ST3GAL4: variants seen among roughly 807,000 people sequenced by gnomAD.
ST3GAL4 encodes ST3 beta-galactoside alpha-2,3-sialyltransferase 4.
Under a neutral mutation model 42.6 loss-of-function variants are expected in ST3GAL4, and 24 were observed. That is an observed-to-expected ratio of 0.56 (90% confidence interval 0.41 to 0.79). The LOEUF is 0.79. Among genes scored for constraint, ST3GAL4 ranks in the 30% least tolerant of loss-of-function variants. The pLI is 0.00. For synonymous variants in ST3GAL4, 135 were observed against 163.2 expected (o/e 0.83, Z 1.32); for missense variants, 311 against 430.8 (o/e 0.72, Z 2.46).
At position 126,383,193 on chromosome 11, in the gene ST3GAL4, C is replaced by G. The variant is rs1033050178; in HGVS notation, c.-60-22903C>G. Among the ~76,000 whole-genome samples the G allele has an allele frequency of 6.6e-6, 1 of 152,214 alleles. No individual in the cohort carries two copies. Among genetic ancestry groups the G allele is most frequent in the Non-Finnish European group, 1.5e-5 (1 of 68,028 alleles). On this transcript the variant is annotated intron_variant, in intron 1 of 10. Transcript: ENST00000444328. The surrounding 1 kb of genome is among the most constrained non-coding windows in gnomAD (Gnocchi z 4.5). ...GCTCATAGGCGTGGCTGGGTCTCCT[C>G]TCAGGTGCCAGAATCTTTCTGGGAG...
intron 1 of ST3GAL4, among the ~76,000 whole-genome samples, chr11:126,371,689 G>A (rs1339808481): frequency 1.3e-5 from 2 of 152,158 alleles, no homozygotes; most frequent in Non-Finnish European, 2.9e-5. Context: ...CTCTCCTGAC[G>A]ATAGTTAAGT....
intron 1 of ST3GAL4, among the ~76,000 whole-genome samples, chr11:126,365,468 TTTAG>T (rs1472973588): frequency 6.6e-6 from 1 of 152,118 alleles, no homozygotes; most frequent in Non-Finnish European, 1.5e-5. Flanking sequence ...CTTCAGTTGA[TTTAG>T]TGTCTCTGCC....
rs773011450 is a variant in ST3GAL4, at chr11:126,406,102, C to G, written c.-54C>G. On this transcript the variant is annotated 5_prime_UTR_variant, in exon 2 of 11. Transcript: ENST00000444328. This position sits in a 1 kb window ranked among gnomAD's most constrained non-coding sequence, Gnocchi z 5.4. ...TGTGGCTCTTATTTCCTAGGTGGCC[C>G]GAGGCAGCCGGGATGACAGCTCTCC... 1.9e-6 allele frequency: 3 copies of G among 1,551,656 alleles called. No individual in the cohort carries two copies. The highest frequency in any genetic ancestry group is 2.6e-6 in the Non-Finnish European group (3 of 1,146,988).
intron 1 of ST3GAL4, among the ~76,000 whole-genome samples, chr11:126,357,031 T>C (rs747051657): frequency 1.3e-5 from 2 of 152,206 alleles, no homozygotes; most frequent in Non-Finnish European, 2.9e-5. Flanking sequence ...ATATTCACTA[T>C]TGGTAATATT....
chr11:126,371,224 G>A (rs533457142), intron 1 of ST3GAL4, among the ~76,000 whole-genome samples: 2 of 124,814 alleles, frequency 1.6e-5, no homozygotes, highest in South Asian at 5.7e-4. Flanking sequence ...GAGTGCAGTG[G>A]CGCGATCTCG....
chr11:126,357,415 C>A (rs1281997618), intron 1 of ST3GAL4, among the ~76,000 whole-genome samples: 2 of 152,088 alleles, frequency 1.3e-5, no homozygotes, highest in African/African-American at 4.8e-5. Flanking sequence ...GGACTTTGGG[C>A]AGAGTGGGTG....
rs1952339503 is a variant in ST3GAL4, at chr11:126,363,921, C to T, written c.-61+8079C>T. On this transcript the variant is annotated intron_variant, in intron 1 of 10. Coordinates refer to ENST00000444328, the MANE Select transcript of ST3GAL4 (RefSeq NM_001254757.2). This position sits in a 1 kb window ranked among gnomAD's most constrained non-coding sequence, Gnocchi z 4.6. Reference sequence around the variant, plus strand: ...CCCTGCCCCAGCCCAGAGCTTGCCTCTGTTGGCTTTGTGACCCTCGCTTTG... The same window carrying T: ...CCCTGCCCCAGCCCAGAGCTTGCCTTTGTTGGCTTTGTGACCCTCGCTTTG... 6.6e-6 allele frequency among the ~76,000 whole-genome samples: 1 copy of T among 152,256 alleles called. No individual in the cohort carries two copies.
intron 1 of ST3GAL4, among the ~76,000 whole-genome samples, chr11:126,394,077 A>C (rs35823964): frequency 0.1 from 15,347 of 152,276 alleles, 1,052 homozygotes; most frequent in Admixed American, 0.2. Context: ...GGGCTGGTGC[A>C]GTCCACCATT....
rs775022949 is a variant in ST3GAL4 at position 126,384,608 on chromosome 11, G to A, written c.-60-21488G>A. On this transcript the variant is annotated intron_variant, in intron 1 of 10. Transcript: ENST00000444328. This position sits in a 1 kb window ranked among gnomAD's most constrained non-coding sequence, Gnocchi z 5.5. ...CCTTCTGGGAAGGCTGAATGGGGCG[G>A]AACTGGTCAGGGCCTGGCACCAACT... 109 of 914,494 alleles carry A rather than the reference G, an allele frequency of 1.2e-4. No individual in the cohort carries two copies. The highest frequency in any genetic ancestry group is 3.7e-4 in the Admixed American group (6 of 16,174). 56.6% of individuals were successfully genotyped at this position (914,494 alleles called of 1,614,324 possible).
chr11:126,367,282 G>A (rs556558192), intron 1 of ST3GAL4, among the ~76,000 whole-genome samples: 22 of 152,310 alleles, frequency 1.4e-4, no homozygotes, highest in East Asian at 1.9e-4. Context: ...CCCCAGCAGC[G>A]TCTCCTGAGG....
rs544522294 is a variant in ST3GAL4 at position 126,414,109 on chromosome 11, G to C, written c.*62G>C. ...TGCTGTCTGGGTGACCCCCATGCGT[G>C]GCTGTGGGGGTGGCTGGTGCCAGTA... On this transcript the variant is annotated 3_prime_UTR_variant, in exon 11 of 11. Coordinates refer to ENST00000444328, the MANE Select transcript of ST3GAL4 (RefSeq NM_001254757.2). 2.0e-6 allele frequency: 3 copies of C among 1,527,508 alleles called. No individual in the cohort carries two copies. The East Asian group carries it at 6.8e-5, about 34-fold the overall frequency. 94.6% of individuals were successfully genotyped at this position (1,527,508 alleles called of 1,614,324 possible).
At position 126,413,865 on chromosome 11, in the gene ST3GAL4, A is replaced by T. The variant is rs112461107; in HGVS notation, c.916-96A>T. ...GCCAGCCTGGGGAAGGGAGCTCCCA[A>T]GAAGTGTGGGGCCATTGGGAGGGGC... On this transcript the variant is annotated intron_variant, in intron 10 of 10. Coordinates refer to ENST00000444328, the MANE Select transcript of ST3GAL4 (RefSeq NM_001254757.2). The T allele has an allele frequency of 0.013, 19,325 of 1,482,796 alleles. 1,124 individuals are homozygous for T. In the Admixed American group the frequency reaches 0.17, roughly 13 times the overall value. 91.9% of individuals were successfully genotyped at this position (1,482,796 alleles called of 1,614,324 possible).
rs571031186 is a variant in ST3GAL4 at position 126,355,873 on chromosome 11, CGCGGG to C, written c.-61+48_-61+52del. 2 of 149,064 alleles carry C rather than the reference CGCGGG, an allele frequency of 1.3e-5. No homozygotes were observed. Among genetic ancestry groups the C allele is most frequent in the East Asian group, 3.9e-4 (2 of 5,144 alleles). 9.2% of individuals were successfully genotyped at this position (149,064 alleles called of 1,614,324 possible). On this transcript the variant is annotated intron_variant, in intron 1 of 10. Transcript: ENST00000444328. The surrounding 1 kb of genome is among the most constrained non-coding windows in gnomAD (Gnocchi z 7.1). The stretch of plus-strand genomic sequence containing the variant: ...TACGCGGCGGCGGTGCGCGGGGGCC[CGCGGG>C]GCGGGGCGGGGCGGGGAGCCGCGGG...
intron 5 of ST3GAL4, 96 bp from the exon 6 acceptor site, chr11:126,407,478 A>G (rs1954293132): frequency 1.3e-6 from 2 of 1,573,340 alleles, no homozygotes; most frequent in Middle Eastern, 1.7e-4. Flanking sequence ...GGGGAAGAAG[A>G]AGGCAGCCAG....
rs896592495 is a variant in ST3GAL4, at chr11:126,366,541, G to A, written c.-61+10699G>A. ...TCACCCCGCTTCCCACGTCTTCATT[G>A]AGTCCTCATCTGGGGGCCCTGTTCC... is the stretch of plus-strand genomic sequence containing the variant. On this transcript the variant is annotated intron_variant, in intron 1 of 10. Coordinates refer to ENST00000444328, the MANE Select transcript of ST3GAL4 (RefSeq NM_001254757.2). The surrounding 1 kb of genome is among the most constrained non-coding windows in gnomAD (Gnocchi z 4.2). Among the ~76,000 whole-genome samples, 8 of 152,124 alleles carry A rather than the reference G, an allele frequency of 5.3e-5. No individual in the cohort carries two copies. Among genetic ancestry groups the A allele is most frequent in the Non-Finnish European group, 8.8e-5 (6 of 68,008 alleles).
chr11:126,371,356 G>T (rs919064388), intron 1 of ST3GAL4, among the ~76,000 whole-genome samples: 1 of 151,234 alleles, frequency 6.6e-6, no homozygotes, highest in Non-Finnish European at 1.5e-5. Context: ...GTAGAGACGG[G>T]GTTTCACCAT....
rs1196632418 is a variant in ST3GAL4, at chr11:126,376,290, G to A, written c.-61+20448G>A. On this transcript the variant is annotated intron_variant, in intron 1 of 10. Coordinates refer to ENST00000444328, the MANE Select transcript of ST3GAL4 (RefSeq NM_001254757.2). The surrounding 1 kb of genome is among the most constrained non-coding windows in gnomAD (Gnocchi z 5.1). ...TACCTGTGTGAAAGAGAATTTTTCA[G>A]GCACAATAATATTTTAAAGAGTTTA... Among the ~76,000 whole-genome samples, 1 of 152,104 alleles carries A rather than the reference G, an allele frequency of 6.6e-6. No individual in the cohort carries two copies. The highest frequency in any genetic ancestry group is 1.5e-5 in the Non-Finnish European group (1 of 68,024).
intron 1 of ST3GAL4, among the ~76,000 whole-genome samples, chr11:126,377,839 G>GT (rs751960163): frequency 1.3e-5 from 2 of 152,210 alleles, no homozygotes; most frequent in Non-Finnish European, 2.9e-5. Context: ...GTAGCAAGAA[G>GT]TCTTCTATTG....
At chr11:126,362,147 G>A (rs961160817) in intron 1 of ST3GAL4, among the ~76,000 whole-genome samples, 16 of 149,724 alleles carry the variant, frequency 1.1e-4, no homozygotes, top group Admixed American at 3.3e-4. Flanking sequence ...CTCCCAGAGT[G>A]CCAGGATTAC....
Sources: gnomAD v4.1 joint callset for allele counts (sites outside exome capture counted in the v4.1 genomes callset) on GRCh38, gnomAD v4.1.1 for gene constraint, Gnocchi (gnomAD v3.1) non-coding constraint, MANE v1.5 for transcripts, NCBI Gene and HGNC (gene_info 2026-07-23, HGNC 2026-07-21) for gene names.